Variants in MTSS2 observed in about 807,000 individuals in gnomAD.
MTSS2 encodes protein MTSS 2.
Under a neutral mutation model 67.1 loss-of-function variants are expected in MTSS2, and 27 were observed. The observed-to-expected ratio is 0.40, with a 90% CI of 0.30 to 0.55. The LOEUF is 0.55. Among genes scored for constraint, MTSS2 ranks in the 20% least tolerant of loss-of-function variants. The pLI is 0.43. For synonymous variants in MTSS2, 624 were observed against 468.6 expected (o/e 1.33, Z -4.28); for missense variants, 1,171 against 1,067.8 (o/e 1.10, Z -1.35).
chr16:70,664,079 C>G lies in MTSS2; in HGVS notation c.1842G>C (p.Glu614Asp), dbSNP rs377688167. The change falls in exon 15 of 15, where the codon GAG (glutamate) becomes GAC (aspartate). Residue 614 changes from glutamate to aspartate, a missense_variant. Physicochemically the swap from Glu to Asp is conservative, Grantham distance 45. Coordinates refer to ENST00000338779, the MANE Select transcript of MTSS2 (RefSeq NM_138383.3). ...CGGTCTCGTCGGTATAGAAGACGCA[C>G]TCCTCACTGCCCGCCCGTGTGGGCC... Reference protein sequence around the residue: ...YMGPTRAGSEECVFYTDETAS... With the variant: ...YMGPTRAGSEDCVFYTDETAS... The G allele has an allele frequency of 1.2e-6, 2 of 1,611,718 alleles. No homozygotes were observed. Among genetic ancestry groups the G allele is most frequent in the African/African-American group, 2.7e-5 (2 of 74,926 alleles).
chr16:70,683,117 G>A (rs2053350350), intron 1 of MTSS2, among the ~76,000 whole-genome samples: 1 of 152,234 alleles, frequency 6.6e-6, no homozygotes, highest in African/African-American at 2.4e-5. Context: ...AGGCGCCCAA[G>A]TGGACAGGGA....
In MTSS2 at chr16:70,663,274, C is replaced by G. The variant is rs1424765212; in HGVS notation, c.*403G>C. 11 of 196,172 alleles carry G rather than the reference C, an allele frequency of 5.6e-5. No individual in the cohort carries two copies. Among genetic ancestry groups the G allele is most frequent in the Non-Finnish European group, 1.0e-4 (10 of 96,742 alleles). The allele number at this position is 196,172 out of a possible 1,614,324, so 12.2% of individuals were successfully genotyped here. A position where few individuals can be genotyped will look rare whatever the true frequency, so the allele number is the denominator to read the frequency against. On this transcript the variant is annotated 3_prime_UTR_variant, in exon 15 of 15. Transcript: ENST00000338779. Reference sequence around the variant, plus strand: ...GGGGCTCAGGCAGGGGAGAGGGGGGCCAGCATTCCAGGAGGAGCTGAGGCA... The same window carrying G: ...GGGGCTCAGGCAGGGGAGAGGGGGGGCAGCATTCCAGGAGGAGCTGAGGCA...
rs201732770 is a variant in MTSS2, at chr16:70,678,267, G to T, written c.609C>A (p.Phe203Leu). 1.3e-4 allele frequency: 215 copies of T among 1,609,888 alleles called. No individual in the cohort carries two copies. The highest frequency in any genetic ancestry group is 1.3e-4 in the Non-Finnish European group (158 of 1,178,984). ...GGAGTCCCACCACCACAGGCTGCAG[G>T]AAGGTGATGAAGGTGCAGAAGCGGC... is the stretch of plus-strand genomic sequence containing the variant. Reference protein sequence around the residue: ...ERGRFCTFITFLQPVVNGELT... With the variant: ...ERGRFCTFITLLQPVVNGELT... Residue 203 changes from phenylalanine (F) to leucine (L), a missense_variant, in exon 8 of 15, where the codon TTC becomes TTA. Phe to Leu is a conservative substitution (Grantham distance 22). Around this residue, in one of 2 missense-constraint regions of MTSS2, gnomAD observed 247 missense variants for 311.8 expected, o/e 0.79. Coordinates refer to ENST00000338779, the MANE Select transcript of MTSS2 (RefSeq NM_138383.3).
Position 70,664,910 on chromosome 16 carries a change from G to C in MTSS2, c.1305+10C>G, listed in dbSNP as rs1175500909. On this transcript the variant is annotated intron_variant, in intron 13 of 14. Coordinates refer to ENST00000338779, the MANE Select transcript of MTSS2 (RefSeq NM_138383.3). ...GACCTGGGCGTGAAGGGGGGCCCTG[G>C]CCAGCCTACCTTGGCTGCGATGGTG... 3.3e-6 allele frequency: 5 copies of C among 1,536,726 alleles called. No homozygotes were observed. The highest frequency in any genetic ancestry group is 4.4e-6 in the Non-Finnish European group (5 of 1,146,012).
intron 11 of MTSS2, among the ~76,000 whole-genome samples, chr16:70,667,278 CAAAAAAAAAA>C (rs34779308): frequency 1.4e-5 from 1 of 69,788 alleles, no homozygotes; most frequent in African/African-American, 5.9e-5. Flanking sequence ...GACTCTGTCT[CAAAAAAAAAA>C]AAAAAAAAAA....
At position 70,664,274 on chromosome 16, in the gene MTSS2, CGTGGGCAGCCCCGCG is replaced by C. The variant is rs546493852; in HGVS notation, c.1632_1646del (p.Gly546_Ala550del). 3.6e-5 allele frequency: 56 copies of C among 1,557,396 alleles called. No individual in the cohort carries two copies. Among genetic ancestry groups the C allele is most frequent in the South Asian group, 3.4e-4 (28 of 81,472 alleles). On this transcript the variant is annotated inframe_deletion, in exon 15 of 15. Transcript: ENST00000338779. ...GTGCGCCCGAGGGCAGGCCAGTGGC[CGTGGGCAGCCCCGCG>C]GTGGGCAGCCCAGCAGTGGAGGCTG...
At chr16:70,673,428 G>A (rs1017111563) in intron 11 of MTSS2, among the ~76,000 whole-genome samples, 12 of 152,162 alleles carry the variant, frequency 7.9e-5, no homozygotes, top group Admixed American at 7.9e-4. Flanking sequence ...GTGGATGGAA[G>A]ACAACTGTCA....
Position 70,664,115 on chromosome 16 carries a change from G to C in MTSS2, c.1806C>G (p.Pro602=), listed in dbSNP as rs768629755. ...PVKTPTVPDS[P]GYMGPTRAGS... ...CCGCCCGTGTGGGCCCCATGTAGCC[G>C]GGGGAGTCAGGCACCGTGGGCGTCT... The change falls in exon 15 of 15, where the codon CCC becomes CCG. Residue 602 remains proline, a synonymous_variant. Transcript: ENST00000338779. The C allele has an allele frequency of 1.9e-6, 3 of 1,611,358 alleles. No homozygotes were observed. The highest frequency in any genetic ancestry group is 1.7e-6 in the Non-Finnish European group (2 of 1,179,668).
Position 70,677,820 on chromosome 16 carries a change from G to A in MTSS2, c.704C>T (p.Pro235Leu), listed in dbSNP as rs769638848. The A allele has an allele frequency of 6.2e-6, 10 of 1,611,566 alleles. No homozygotes were observed. The highest frequency in any genetic ancestry group is 2.5e-6 in the Non-Finnish European group (3 of 1,179,382). ...IDDLVVLTAE[P>L]HKLPPASEQV... ...CTCGCTGGCGGGAGGCAGTTTGTGGGGTTCTGCTGTCAGCACCACCAAGTC... is the reference window on the plus strand; with the variant it reads ...CTCGCTGGCGGGAGGCAGTTTGTGGAGTTCTGCTGTCAGCACCACCAAGTC... The change falls in exon 9 of 15, where the codon CCC becomes CTC. Residue 235 changes from proline (P) to leucine (L), a missense_variant. Physicochemically the swap from Pro to Leu is moderately conservative, Grantham distance 98. This residue lies in a region of MTSS2 where 924 missense variants were observed against 756.0 expected (regional missense o/e 1.22). Transcript: ENST00000338779.
In MTSS2 at chr16:70,663,461, C is replaced by T; in HGVS notation, c.*216G>A. 4 of 864,182 alleles carry T rather than the reference C, an allele frequency of 4.6e-6. No individual in the cohort carries two copies. The highest frequency in any genetic ancestry group is 3.5e-5 in the Admixed American group (1 of 28,978). 53.5% of individuals were successfully genotyped at this position (864,182 alleles called of 1,614,324 possible). Reference sequence around the variant, plus strand: ...AGCATAAAACAGACCCCGAACCAGGCCCAGGCCTGCAGGCTCCGTCCTGGC... The same window carrying T: ...AGCATAAAACAGACCCCGAACCAGGTCCAGGCCTGCAGGCTCCGTCCTGGC... On this transcript the variant is annotated 3_prime_UTR_variant, in exon 15 of 15. Coordinates refer to ENST00000338779, the MANE Select transcript of MTSS2 (RefSeq NM_138383.3).
chr16:70,672,888 C>T (rs371693883), intron 11 of MTSS2, among the ~76,000 whole-genome samples: 5 of 151,976 alleles, frequency 3.3e-5, no homozygotes, highest in Non-Finnish European at 5.9e-5. Context: ...TGGCTGGGCG[C>T]GGTTGCTCAC....
chr16:70,667,602 G>A (rs964241086), intron 11 of MTSS2, among the ~76,000 whole-genome samples: 1 of 152,290 alleles, frequency 6.6e-6, no homozygotes. Flanking sequence ...GCTGGGCATG[G>A]TGGCTCACAC....
At chr16:70,665,152 G>C (rs1276091689) in intron 12 of MTSS2, 56 bp from the exon 13 acceptor site, 2 of 1,522,886 alleles carry the variant, frequency 1.3e-6, no homozygotes, top group Admixed American at 4.0e-5. Flanking sequence ...CCTATGGCCC[G>C]GGGGCCCGTC....
rs1285733875 is a variant in MTSS2, at chr16:70,680,948, C to T, written c.131+16G>A. 1.3e-6 allele frequency: 2 copies of T among 1,594,154 alleles called. No homozygotes were observed. Among genetic ancestry groups the T allele is most frequent in the South Asian group, 1.1e-5 (1 of 87,776 alleles). On this transcript the variant is annotated intron_variant, in intron 2 of 14. Transcript: ENST00000338779. ...TGCCTGCCCCTCCCCTGCTGGGGTG[C>T]CCTGGGCCACCTCACCTCAGCTGGG...
intron 11 of MTSS2, among the ~76,000 whole-genome samples, chr16:70,669,819 AAAAAAAAAAG>A (rs1274288418): frequency 1.8e-4 from 4 of 22,574 alleles, no homozygotes; most frequent in Non-Finnish European, 4.5e-4. Flanking sequence ...TCTGTCTCAT[AAAAAAAAAAG>A]TATGAAAAGG....
At chr16:70,665,379 C>T in intron 12 of MTSS2, 87 bp downstream of exon 12, 4 of 1,390,706 alleles carry the variant, frequency 2.9e-6, no homozygotes, top group Non-Finnish European at 2.9e-6. Context: ...AACCCAGGCC[C>T]TTTGTGCAGT....
Position 70,665,471 on chromosome 16 carries a change from TG to T in MTSS2, c.1122del (p.Thr375ProfsTer77). Reference sequence around the variant, plus strand: ...GCCGGGCTGGGAGCACTGACCGAGGTGGGGGAGCTGCACTCGCTAACGGACT... The same window carrying T: ...GCCGGGCTGGGAGCACTGACCGAGGTGGGGAGCTGCACTCGCTAACGGACT... ...TCQSVSECSSPTSDWSKVGSH... is the reference protein window; with the variant it reads ...TCQSVSECSSXTSDWSKVGSH... On this transcript the variant is annotated frameshift_variant, in exon 12 of 15. Transcript: ENST00000338779. LOFTEE classifies it high-confidence loss of function. 6.4e-7 allele frequency: 1 copy of T among 1,553,430 alleles called. No individual in the cohort carries two copies.
In MTSS2 at chr16:70,678,026, C is replaced by T. The variant is rs1213945175; in HGVS notation, c.625-127G>A. ...CACCCCTCCTCGCTAACCAATGCTGCTCGGGGCTGGTGCAGGTGGGGCCCA... is the reference window on the plus strand; with the variant it reads ...CACCCCTCCTCGCTAACCAATGCTGTTCGGGGCTGGTGCAGGTGGGGCCCA... On this transcript the variant is annotated intron_variant, in intron 8 of 14. Coordinates refer to ENST00000338779, the MANE Select transcript of MTSS2 (RefSeq NM_138383.3). 4.2e-5 allele frequency: 41 copies of T among 981,508 alleles called. No individual in the cohort carries two copies. The Admixed American group carries it at 9.7e-4, about 23-fold the overall frequency. 60.8% of individuals were successfully genotyped at this position (981,508 alleles called of 1,614,324 possible). A position where few individuals can be genotyped will look rare whatever the true frequency, so the allele number is the denominator to read the frequency against.
At chr16:70,668,611 CT>C (rs1260222895) in intron 11 of MTSS2, among the ~76,000 whole-genome samples, 1 of 152,154 alleles carries the variant, frequency 6.6e-6, no homozygotes, top group Non-Finnish European at 1.5e-5. Flanking sequence ...ATGTCTATGT[CT>C]CCCCCAAATT....
Sources: allele counts gnomAD v4.1 joint callset (sites outside exome capture counted in the v4.1 genomes callset), GRCh38; gene constraint gnomAD v4.1.1; regional missense constraint gnomAD v4.1.1; transcripts MANE v1.5; gene names NCBI Gene and HGNC (gene_info 2026-07-23, HGNC 2026-07-21).